Variants in CRKL observed in about 807,000 individuals in gnomAD.
The protein encoded by CRKL is crk-like protein.
CRKL carries 3 observed loss-of-function variants against 23.0 expected under a neutral mutation model. The observed-to-expected ratio is 0.13, with a 90% confidence interval of 0.06 to 0.34. The LOEUF (loss-of-function observed/expected upper bound fraction) is 0.34. CRKL is among the 10% of genes least tolerant of loss of function. CRKL has a pLI of 1.00. For missense variants in CRKL, 256 were observed against 394.5 expected (o/e 0.65, Z 2.97); for synonymous variants, 188 against 160.7 (o/e 1.17, Z -1.28).
At chr22:20,924,406 A>G (rs1333197150) in intron 1 of CRKL, among the ~76,000 whole-genome samples, 2 of 152,178 alleles carry the variant, frequency 1.3e-5, no homozygotes, top group East Asian at 3.8e-4. Context: ...CCCCTGTTCT[A>G]ATTATTTAAG....
intron 1 of CRKL, among the ~76,000 whole-genome samples, chr22:20,922,669 G>A (rs1490127427): frequency 2.0e-5 from 3 of 151,940 alleles, no homozygotes; most frequent in African/African-American, 7.3e-5. Flanking sequence ...TTCCTATGGT[G>A]GATTTTATTT....
intron 1 of CRKL, among the ~76,000 whole-genome samples, chr22:20,919,378 A>T (rs1929805257): frequency 1.3e-5 from 2 of 152,200 alleles, no homozygotes; most frequent in South Asian, 4.1e-4. Context: ...TTTTTGAATG[A>T]CACTTAGTTG....
intron 2 of CRKL, among the ~76,000 whole-genome samples, chr22:20,943,501 A>G (rs148451526): frequency 1.3e-5 from 2 of 152,176 alleles, no homozygotes; most frequent in Non-Finnish European, 2.9e-5. Context: ...TGGCCTCCCA[A>G]AGTGCCAGGA....
At position 20,949,901 on chromosome 22, in the gene CRKL, GA is replaced by G; in HGVS notation, c.*58del. Reference sequence around the variant, plus strand: ...TGTTCTGCCTGTCCTAGTCTCCTTTGAAGTGGGAAAGCATTTTCTCTCATAG... The same window carrying G: ...TGTTCTGCCTGTCCTAGTCTCCTTTGAGTGGGAAAGCATTTTCTCTCATAG... On this transcript the variant is annotated 3_prime_UTR_variant, in exon 3 of 3. Transcript: ENST00000354336. 9.0e-6 allele frequency: 14 copies of G among 1,554,560 alleles called. No individual in the cohort carries two copies. The highest frequency in any genetic ancestry group is 1.1e-5 in the Non-Finnish European group (13 of 1,155,206).
chr22:20,929,706 C>T, intron 1 of CRKL, among the ~76,000 whole-genome samples: 1 of 152,176 alleles, frequency 6.6e-6, no homozygotes, highest in Non-Finnish European at 1.5e-5. Flanking sequence ...CATGATCCAC[C>T]TGCCTCGGCC....
rs887582814 is a variant in CRKL at position 20,952,244 on chromosome 22, G to A, written c.*2399G>A. On this transcript the variant is annotated 3_prime_UTR_variant, in exon 3 of 3. Coordinates refer to ENST00000354336, the MANE Select transcript of CRKL (RefSeq NM_005207.4). The stretch of plus-strand genomic sequence containing the variant: ...AGAGTGCAAGAAGTCTGGCCATTTT[G>A]GAAAGCAAGGTTTCCTTTCAGCCCT... 1.8e-4 allele frequency: 42 copies of A among 228,644 alleles called. No homozygotes were observed. The highest frequency in any genetic ancestry group is 2.3e-4 in the Admixed American group (4 of 17,598). 14.2% of individuals were successfully genotyped at this position (228,644 alleles called of 1,614,324 possible).
chr22:20,918,267 C>T (rs2147892159), intron 1 of CRKL, 22 bp downstream of exon 1: 1 of 1,610,332 alleles, frequency 6.2e-7, no homozygotes, highest in Non-Finnish European at 8.5e-7. Flanking sequence ...CCCTCCCCGA[C>T]CGCGGAGGAA....
chr22:20,942,034 G>C (rs1394605706), intron 2 of CRKL, among the ~76,000 whole-genome samples: 2 of 152,102 alleles, frequency 1.3e-5, no homozygotes, highest in East Asian at 3.9e-4. Flanking sequence ...AGAACCATCA[G>C]CTAGGGGTTC....
chr22:20,934,804 A>C (rs1033441920), intron 2 of CRKL, among the ~76,000 whole-genome samples: 17 of 141,622 alleles, frequency 1.2e-4, no homozygotes, highest in Non-Finnish European at 1.8e-4. Flanking sequence ...TAGAGGAATG[A>C]ATTTTTTTTT....
intron 2 of CRKL, among the ~76,000 whole-genome samples, chr22:20,946,735 A>G (rs1012343611): frequency 6.6e-6 from 1 of 151,698 alleles, no homozygotes; most frequent in Non-Finnish European, 1.5e-5. Context: ...AAAAAAAAAA[A>G]CAGATTGATC....
chr22:20,929,947 A>G (rs985578818), intron 1 of CRKL, among the ~76,000 whole-genome samples: 2 of 152,212 alleles, frequency 1.3e-5, no homozygotes, highest in African/African-American at 4.8e-5. Flanking sequence ...CAGTGGAACT[A>G]ATGTGTAATT....
intron 2 of CRKL, among the ~76,000 whole-genome samples, chr22:20,942,108 C>G (rs1381291207): frequency 1.3e-5 from 2 of 152,154 alleles, no homozygotes; most frequent in African/African-American, 4.8e-5. Context: ...TATAGTTTGC[C>G]AACTATCTAC....
rs1213587964 is a variant in CRKL at position 20,933,783 on chromosome 22, C to G, written c.316C>G (p.Pro106Ala). ...TAATTTTCTTTCTCTCTTAAGGTAT[C>G]CAAGCCCACCAATGGGATCTGTCTC... The part of the protein sequence containing the change: ...TTLIEPAPRY[P>A]SPPMGSVSAP... The change falls in exon 2 of 3, where the codon CCA becomes GCA. Residue 106 changes from proline (P) to alanine (A), a missense_variant. Pro to Ala is a conservative substitution (Grantham distance 27, BLOSUM62 -1). Transcript: ENST00000354336. 1.2e-6 allele frequency: 2 copies of G among 1,610,916 alleles called. No individual in the cohort carries two copies. The highest frequency in any genetic ancestry group is 3.3e-5 in the Admixed American group (2 of 59,772).
chr22:20,928,112 A>T (rs1921298156), intron 1 of CRKL, among the ~76,000 whole-genome samples: 1 of 152,076 alleles, frequency 6.6e-6, no homozygotes, highest in Non-Finnish European at 1.5e-5. Flanking sequence ...AGCTGAGATC[A>T]CACCACTACA....
intron 2 of CRKL, among the ~76,000 whole-genome samples, chr22:20,945,095 G>T (rs551025721): frequency 6.6e-6 from 1 of 151,392 alleles, no homozygotes; most frequent in Non-Finnish European, 1.5e-5. Context: ...CCGGGTGCAC[G>T]CCATTCTCCT....
intron 1 of CRKL, among the ~76,000 whole-genome samples, chr22:20,928,768 G>A (rs1440067187): frequency 7.1e-6 from 1 of 140,138 alleles, no homozygotes; most frequent in Non-Finnish European, 1.5e-5. Context: ...AGCCATGATT[G>A]TGCCTCTGCA....
intron 1 of CRKL, among the ~76,000 whole-genome samples, chr22:20,923,944 C>T (rs1048341050): frequency 6.6e-6 from 1 of 151,572 alleles, no homozygotes; most frequent in African/African-American, 2.4e-5. Context: ...CCCAGCACTT[C>T]GGGAGGTTAA....
intron 1 of CRKL, among the ~76,000 whole-genome samples, chr22:20,918,674 C>T (rs893051494): frequency 3.3e-5 from 5 of 150,432 alleles, no homozygotes; most frequent in African/African-American, 9.8e-5. Context: ...TCACTGCAAC[C>T]TCCGCCTCCC....
rs1922206792 is a variant in CRKL, at chr22:20,950,007, G to A, written c.*162G>A. On this transcript the variant is annotated 3_prime_UTR_variant, in exon 3 of 3. Transcript: ENST00000354336. ...CACATTTGGAATGCACACAGCGGCT[G>A]CCTCCTGATGTTTGTATCATAGTCG... 3 of 868,756 alleles carry A rather than the reference G, an allele frequency of 3.5e-6. No homozygotes were observed. The highest frequency in any genetic ancestry group is 3.5e-5 in the African/African-American group (2 of 57,378). 53.8% of individuals were successfully genotyped at this position (868,756 alleles called of 1,614,324 possible).
Sources: gnomAD v4.1 joint callset for allele counts (sites outside exome capture counted in the v4.1 genomes callset) on GRCh38, gnomAD v4.1.1 for gene constraint, MANE v1.5 for transcripts, NCBI Gene and HGNC (gene_info 2026-07-23, HGNC 2026-07-21) for gene names.